MRPS28: variants seen among roughly 807,000 people sequenced by gnomAD.
The protein encoded by MRPS28 is small ribosomal subunit protein bS1m.
In MRPS28, 7 loss-of-function variants were observed where a neutral mutation model predicts 10.8. That is an observed-to-expected ratio of 0.65 (90% CI 0.37 to 1.22). MRPS28 has a LOEUF of 1.22. MRPS28 is among the 50% of genes most tolerant of loss of function. MRPS28 has a pLI of 0.02. For missense variants in MRPS28, 265 were observed against 232.9 expected (o/e 1.14, Z -0.90); for synonymous variants, 121 against 93.3 (o/e 1.30, Z -1.71).
chr8:79,920,682 A>T (rs182291093), intron 2 of MRPS28, among the ~76,000 whole-genome samples: 70 of 152,132 alleles, frequency 4.6e-4, no homozygotes, highest in Admixed American at 3.5e-3. Context: ...TAGATTCTGG[A>T]TATTAGCCCT....
chr8:80,008,399 C>A (rs561112542), intron 1 of MRPS28, among the ~76,000 whole-genome samples: 1 of 152,220 alleles, frequency 6.6e-6, no homozygotes, highest in South Asian at 2.1e-4. Flanking sequence ...AAAGCAATGG[C>A]AACAAAAGCC....
At chr8:79,928,108 G>A (rs1166255993) in intron 2 of MRPS28, among the ~76,000 whole-genome samples, 2 of 152,214 alleles carry the variant, frequency 1.3e-5, no homozygotes, top group East Asian at 3.9e-4. Flanking sequence ...AGGATAGCTT[G>A]AGTCCAAGAG....
At chr8:79,950,549 C>T (rs1213537619) in intron 2 of MRPS28, among the ~76,000 whole-genome samples, 1 of 152,176 alleles carries the variant, frequency 6.6e-6, no homozygotes, top group Non-Finnish European at 1.5e-5. Flanking sequence ...AACACAAACA[C>T]ACACATATAC....
At chr8:79,919,179 A>T in intron 2 of MRPS28, 31 bp from the exon 3 acceptor site, 1 of 1,510,180 alleles carries the variant, frequency 6.6e-7, no homozygotes. Flanking sequence ...AAATCCATTA[A>T]TTCTGAATAT....
At chr8:79,943,042 C>T (rs970175775) in intron 2 of MRPS28, among the ~76,000 whole-genome samples, 2 of 152,142 alleles carry the variant, frequency 1.3e-5, no homozygotes, top group Non-Finnish European at 2.9e-5. Flanking sequence ...AAAGACCACC[C>T]CCCAACATTG....
chr8:80,022,753 A>G (rs1182359364), intron 1 of MRPS28, among the ~76,000 whole-genome samples: 1 of 152,252 alleles, frequency 6.6e-6, no homozygotes, highest in Admixed American at 6.5e-5. Flanking sequence ...TAATCAGGTT[A>G]TAAAAATTAA....
intron 2 of MRPS28, among the ~76,000 whole-genome samples, chr8:80,000,698 T>C (rs1808638648): frequency 6.6e-6 from 1 of 152,196 alleles, no homozygotes; most frequent in African/African-American, 2.4e-5. Context: ...TACTACTCAT[T>C]AGAAAACTAA....
intron 2 of MRPS28, among the ~76,000 whole-genome samples, chr8:79,924,387 T>C (rs956626185): frequency 1.3e-5 from 2 of 152,182 alleles, no homozygotes. Context: ...ATACAAATGC[T>C]CACAGTCATA....
At chr8:79,927,352 T>C (rs543440066) in intron 2 of MRPS28, among the ~76,000 whole-genome samples, 1 of 152,358 alleles carries the variant, frequency 6.6e-6, no homozygotes, top group Non-Finnish European at 1.5e-5. Flanking sequence ...AACTGCTTGA[T>C]GGCAAATGTT....
intron 2 of MRPS28, among the ~76,000 whole-genome samples, chr8:79,988,286 G>A (rs558814703): frequency 9.4e-6 from 1 of 106,528 alleles, no homozygotes; most frequent in Non-Finnish European, 1.8e-5. Context: ...GTGGGGGGAG[G>A]GGGGAGGGAT....
At chr8:79,942,015 T>C (rs948867420) in intron 2 of MRPS28, among the ~76,000 whole-genome samples, 12 of 152,162 alleles carry the variant, frequency 7.9e-5, no homozygotes, top group Non-Finnish European at 1.8e-4. Flanking sequence ...AATTTGTTGA[T>C]GAGGTTAGGG....
intron 2 of MRPS28, among the ~76,000 whole-genome samples, chr8:79,919,952 C>A (rs1810037507): frequency 7.9e-6 from 1 of 126,790 alleles, no homozygotes; most frequent in Non-Finnish European, 1.6e-5. Flanking sequence ...CCCCCCACCC[C>A]ATAACAGGCC....
chr8:79,978,429 T>C (rs1219824683), intron 2 of MRPS28, among the ~76,000 whole-genome samples: 1 of 152,214 alleles, frequency 6.6e-6, no homozygotes, highest in African/African-American at 2.4e-5. Context: ...GATCAGGATT[T>C]CATCTTCACC....
chr8:80,008,819 T>G (rs956303313), intron 1 of MRPS28, among the ~76,000 whole-genome samples: 7 of 152,342 alleles, frequency 4.6e-5, no homozygotes, highest in East Asian at 3.9e-4. Context: ...ACTTTTACAC[T>G]GTTGGTGGGA....
chr8:79,985,212 G>T (rs1808117165), intron 2 of MRPS28, among the ~76,000 whole-genome samples: 1 of 152,146 alleles, frequency 6.6e-6, no homozygotes, highest in South Asian at 2.1e-4. Context: ...AAATAAAGAT[G>T]TTCTTTGAAA....
intron 2 of MRPS28, among the ~76,000 whole-genome samples, chr8:79,985,592 A>G (rs1808131502): frequency 6.6e-6 from 1 of 152,172 alleles, no homozygotes; most frequent in African/African-American, 2.4e-5. Context: ...GATAAAGGGG[A>G]TATCACCACC....
intron 1 of MRPS28, among the ~76,000 whole-genome samples, chr8:80,010,987 TAAAC>T (rs1809025834): frequency 6.6e-6 from 1 of 152,190 alleles, no homozygotes; most frequent in Non-Finnish European, 1.5e-5. Flanking sequence ...TAAAGGTCCT[TAAAC>T]AAGCACTTTG....
At chr8:80,013,129 A>G (rs1563542931) in intron 1 of MRPS28, among the ~76,000 whole-genome samples, 1 of 152,134 alleles carries the variant, frequency 6.6e-6, no homozygotes, top group Non-Finnish European at 1.5e-5. Context: ...CTCAGCCAAT[A>G]AACAGCGAAA....
intron 2 of MRPS28, among the ~76,000 whole-genome samples, chr8:80,000,510 G>A (rs1808632752): frequency 6.6e-6 from 1 of 152,108 alleles, no homozygotes; most frequent in Non-Finnish European, 1.5e-5. Context: ...TGCTTCACTG[G>A]GGGGAGAACA....
Sources: allele counts gnomAD v4.1 joint callset (sites outside exome capture counted in the v4.1 genomes callset), GRCh38; gene constraint gnomAD v4.1.1; transcripts MANE v1.5; gene names NCBI Gene and HGNC (gene_info 2026-07-23, HGNC 2026-07-21).